The following DRC8 variants were observed in gnomAD, a reference collection of about 807,000 sequenced individuals.
DRC8 encodes the protein dynein regulatory complex protein 8.
the DRC8 span, among the ~76,000 whole-genome samples, chr1:244,995,029 TCTC>T: frequency 6.6e-6 from 1 of 152,120 alleles, no homozygotes; most frequent in South Asian, 2.1e-4. Context: ...TTAGGTTATC[TCTC>T]CTCTTGTATT....
At chr1:245,043,576 C>T in the DRC8 span, among the ~76,000 whole-genome samples, 3 of 151,824 alleles carry the variant, frequency 2.0e-5, no homozygotes, top group Non-Finnish European at 4.4e-5. Context: ...CCCATGAAAT[C>T]GATTTAAAAG....
chr1:244,999,157 A>G, the DRC8 span, among the ~76,000 whole-genome samples: 1 of 151,066 alleles, frequency 6.6e-6, no homozygotes, highest in Admixed American at 6.6e-5. Flanking sequence ...GGAGGCAGCA[A>G]TATTGACAAA....
chr1:245,033,888 A>T, the DRC8 span, among the ~76,000 whole-genome samples: 1 of 151,674 alleles, frequency 6.6e-6, no homozygotes, highest in African/African-American at 2.4e-5. Context: ...TGCCCGGCTA[A>T]TTTTTTATTT....
chr1:245,025,847 C>T, the DRC8 span, among the ~76,000 whole-genome samples: 1 of 152,334 alleles, frequency 6.6e-6, no homozygotes, highest in Admixed American at 6.5e-5. Context: ...GGCAGCTCCC[C>T]TGCAGACGGT....
chr1:245,076,102 G>T, the DRC8 span, among the ~76,000 whole-genome samples: 1 of 152,202 alleles, frequency 6.6e-6, no homozygotes, highest in African/African-American at 2.4e-5. Flanking sequence ...GGCGGCAGAG[G>T]CAAACTTCTG....
chr1:245,017,458 C>A, the DRC8 span: 1 of 966,068 alleles, frequency 1.0e-6, no homozygotes, highest in South Asian at 2.3e-5. Flanking sequence ...ATTTTCCATG[C>A]TCCGTAAAAG....
the DRC8 span, among the ~76,000 whole-genome samples, chr1:245,103,963 C>G: frequency 1.3e-5 from 2 of 152,050 alleles, no homozygotes; most frequent in Non-Finnish European, 2.9e-5. Flanking sequence ...TAAAAAGAGG[C>G]GGGGAAGTTG....
chr1:245,098,789 G>A, the DRC8 span, among the ~76,000 whole-genome samples: 3 of 152,202 alleles, frequency 2.0e-5, no homozygotes, highest in South Asian at 6.2e-4. Context: ...CTCTGAGTAG[G>A]GAGGCCGGGG....
chr1:245,103,815 G>T, the DRC8 span, among the ~76,000 whole-genome samples: 1 of 152,230 alleles, frequency 6.6e-6, no homozygotes, highest in East Asian at 1.9e-4. Flanking sequence ...AAGGTGGGGA[G>T]AGGAAGAGTG....
the DRC8 span, among the ~76,000 whole-genome samples, chr1:245,031,144 G>C: frequency 6.6e-6 from 1 of 152,136 alleles, no homozygotes; most frequent in East Asian, 1.9e-4. Context: ...TTCCAACACA[G>C]TTTCTAGGCC....
At chr1:245,062,450 T>C in the DRC8 span, among the ~76,000 whole-genome samples, 2 of 152,198 alleles carry the variant, frequency 1.3e-5, no homozygotes, top group African/African-American at 4.8e-5. Context: ...CTTCTTTTAA[T>C]ATTAAGTTAG....
At chr1:245,114,166 T>A in the DRC8 span, among the ~76,000 whole-genome samples, 11,534 of 152,092 alleles carry the variant, frequency 0.076, 529 homozygotes, top group East Asian at 0.13. Flanking sequence ...TTCTTTTTTT[T>A]AAAAATTGTC....
the DRC8 span, among the ~76,000 whole-genome samples, chr1:245,067,517 A>T: frequency 6.6e-6 from 1 of 152,204 alleles, no homozygotes; most frequent in Non-Finnish European, 1.5e-5. Context: ...CATTTCCTAC[A>T]CTTTTCATCT....
At chr1:244,979,537 C>T in the DRC8 span, among the ~76,000 whole-genome samples, 1 of 151,722 alleles carries the variant, frequency 6.6e-6, no homozygotes, top group East Asian at 1.9e-4. Flanking sequence ...AACTCCTGAC[C>T]TCAAATGATC....
At chr1:245,093,697 C>CA in the DRC8 span, among the ~76,000 whole-genome samples, 9,294 of 68,326 alleles carry the variant, frequency 0.14, 361 homozygotes, top group African/African-American at 0.18. Flanking sequence ...CTCCATCTCA[C>CA]AAAAAAAAAA....
chr1:244,995,986 T>C, the DRC8 span, among the ~76,000 whole-genome samples: 1 of 152,246 alleles, frequency 6.6e-6, no homozygotes, highest in Non-Finnish European at 1.5e-5. Context: ...CTATTACCTA[T>C]TAGTCATCTA....
At chr1:245,105,076 G>A in the DRC8 span, among the ~76,000 whole-genome samples, 178 of 152,238 alleles carry the variant, frequency 1.2e-3, no homozygotes, top group African/African-American at 3.8e-3. Flanking sequence ...TGTATTTCCC[G>A]TAGACCAATT....
the DRC8 span, among the ~76,000 whole-genome samples, chr1:245,065,889 A>C: frequency 1.3e-5 from 2 of 151,722 alleles, no homozygotes; most frequent in African/African-American, 4.8e-5. Context: ...AAATCTCGAA[A>C]CTCCTGCAGG....
At chr1:245,041,221 A>G in the DRC8 span, among the ~76,000 whole-genome samples, 1 of 152,180 alleles carries the variant, frequency 6.6e-6, no homozygotes, top group Non-Finnish European at 1.5e-5. Flanking sequence ...AGAAAAGCAA[A>G]GAGGATAGTG....
Sources: gnomAD v4.1 joint callset for allele counts (sites outside exome capture counted in the v4.1 genomes callset) on GRCh38, gnomAD v4.1.1 for gene constraint, MANE v1.5 for transcripts, NCBI Gene and HGNC (gene_info 2026-07-23, HGNC 2026-07-21) for gene names.